Variants in CREBBP observed in about 807,000 individuals in gnomAD.
CREBBP encodes CREB-binding protein.
A neutral mutation model predicts 265.0 loss-of-function variants in CREBBP; 19 were observed. The ratio of observed to expected loss-of-function variants is 0.07; its 90% CI spans 0.05 to 0.11. The LOEUF (loss-of-function observed/expected upper bound fraction) is 0.11, where lower values mean the gene tolerates loss of function less well. CREBBP is among the 10% of genes least tolerant of loss of function. The pLI is 1.00. For synonymous variants in CREBBP, 1,457 were observed against 1,223.7 expected (o/e 1.19, Z -3.98); for missense variants, 2,525 against 3,219.0 (o/e 0.78, Z 5.22).
At position 3,781,229 on chromosome 16, in the gene CREBBP, G is replaced by T. The variant is rs61753381; in HGVS notation, c.1651C>A (p.Leu551Ile). The change falls in exon 7 of 31, where the codon CTT becomes ATT. Residue 551 changes from leucine (L) to isoleucine (I), a missense_variant. By Grantham distance (5) the Leu-to-Ile change is conservative. This residue lies in a region of CREBBP where 144 missense variants were observed against 134.0 expected (regional missense o/e 1.07). Transcript: ENST00000262367. ...QPPNLISESA[L>I]PTSLGATNPL... ...TTTGTGGCCCCCAGGGAAGTCGGAA[G>T]AGCTGATTCTGAAATCAAGTTTGGG... 15,704 of 1,613,964 alleles carry T rather than the reference G, an allele frequency of 9.7e-3. 153 individuals are homozygous for T. The highest frequency in any genetic ancestry group is 0.037 in the Middle Eastern group (223 of 6,056).
chr16:3,879,768 GCTCT>G (rs538145254), intron 1 of CREBBP, 60 bp downstream of exon 1: 173 of 1,498,184 alleles, frequency 1.2e-4, no homozygotes, highest in Non-Finnish European at 1.4e-4. Flanking sequence ...ACCCCCGGAC[GCTCT>G]CTTTCAGGTG....
chr16:3,804,266 T>C (rs962062826), intron 3 of CREBBP, among the ~76,000 whole-genome samples: 32 of 152,212 alleles, frequency 2.1e-4, no homozygotes, highest in Non-Finnish European at 2.1e-4. Flanking sequence ...TTTAGAATAC[T>C]CTTCTTGAAT....
rs186403025 is a variant in CREBBP, at chr16:3,736,645, G to A, written c.4560+5C>T. 1 of 1,614,178 alleles carries A rather than the reference G, an allele frequency of 6.2e-7. No homozygotes were observed. The highest frequency in any genetic ancestry group is 8.5e-7 in the Non-Finnish European group (1 of 1,180,044). ...AAGCCACCACCTTCCTTCAGCGCCGGGTACCTTGTAGTCATGGATGATCCG... is the reference window on the plus strand; with the variant it reads ...AAGCCACCACCTTCCTTCAGCGCCGAGTACCTTGTAGTCATGGATGATCCG... On this transcript the variant is annotated splice_donor_5th_base_variant and intron_variant, in intron 27 of 30. Transcript: ENST00000262367.
At chr16:3,765,453 G>A (rs968340938) in intron 16 of CREBBP, among the ~76,000 whole-genome samples, 5 of 152,196 alleles carry the variant, frequency 3.3e-5, no homozygotes, top group African/African-American at 1.2e-4. Context: ...AAACTTTCAG[G>A]AATGACTGAG....
At chr16:3,830,119 G>A (rs186798625) in intron 2 of CREBBP, among the ~76,000 whole-genome samples, 8 of 152,292 alleles carry the variant, frequency 5.3e-5, no homozygotes, top group African/African-American at 1.9e-4. Context: ...AGAGTGGGCT[G>A]GGTGTGGTGA....
At chr16:3,767,235 C>T (rs2052877163) in intron 16 of CREBBP, 1 of 177,480 alleles carries the variant, frequency 5.6e-6, no homozygotes, top group African/African-American at 2.4e-5. Flanking sequence ...TAGGCGCCAC[C>T]CTGCCCCTCA....
At position 3,756,030 on chromosome 16, in the gene CREBBP, A is replaced by T. The variant is rs537430856; in HGVS notation, c.3698+1258T>A. Among the ~76,000 whole-genome samples, 14 of 152,158 alleles carry T rather than the reference A, an allele frequency of 9.2e-5. No individual in the cohort carries two copies. In the East Asian group the frequency reaches 9.6e-4, roughly 10 times the overall value. Reference sequence around the variant, plus strand: ...TTACTTATCTTGAATATGGATTTTTAAAAAAAACATAGAAGAATTAAAACA... The same window carrying T: ...TTACTTATCTTGAATATGGATTTTTTAAAAAAACATAGAAGAATTAAAACA... On this transcript the variant is annotated intron_variant, in intron 19 of 30. Coordinates refer to ENST00000262367, the MANE Select transcript of CREBBP (RefSeq NM_004380.3).
intron 16 of CREBBP, among the ~76,000 whole-genome samples, chr16:3,762,925 T>C (rs1351248201): frequency 6.6e-6 from 1 of 151,970 alleles, no homozygotes; most frequent in African/African-American, 2.4e-5. Context: ...CAGGCGCCTG[T>C]CACCATGGCC....
intron 4 of CREBBP, 55 bp downstream of exon 4, chr16:3,793,331 T>C: frequency 6.2e-7 from 1 of 1,611,970 alleles, no homozygotes; most frequent in Non-Finnish European, 8.5e-7. Context: ...GTAAGAACAA[T>C]AAAGGCAAAT....
At position 3,758,862 on chromosome 16, in the gene CREBBP, C is replaced by T. The variant is rs866498372; in HGVS notation, c.3361G>A (p.Gly1121Arg). ...TTTATGAATTAACTTACTGGAATTCCGAGGAGCTGGGGATCTACAGGCTGC... is the reference window on the plus strand; with the variant it reads ...TTTATGAATTAACTTACTGGAATTCTGAGGAGCTGGGGATCTACAGGCTGC... ...FRQPVDPQLL[G>R]IPDYFDIVKN... Residue 1121 changes from glycine (G) to arginine (R), a missense_variant, in exon 17 of 31, where the codon GGA becomes AGA. Transcript: ENST00000262367. The T allele has an allele frequency of 1.2e-6, 2 of 1,610,364 alleles. No homozygotes were observed. The highest frequency in any genetic ancestry group is 1.7e-6 in the Non-Finnish European group (2 of 1,178,026).
intron 2 of CREBBP, among the ~76,000 whole-genome samples, chr16:3,837,999 A>G (rs2054490239): frequency 6.6e-6 from 1 of 152,048 alleles, no homozygotes; most frequent in South Asian, 2.1e-4. Context: ...TTTTACACAC[A>G]CACCCGCCCA....
At chr16:3,811,306 A>T (rs371067012) in intron 2 of CREBBP, among the ~76,000 whole-genome samples, 1 of 152,106 alleles carries the variant, frequency 6.6e-6, no homozygotes, top group Non-Finnish European at 1.5e-5. Flanking sequence ...GCATGGGTCT[A>T]CATATATGGA....
chr16:3,837,341 C>T (rs1052679641), intron 2 of CREBBP, among the ~76,000 whole-genome samples: 2 of 152,152 alleles, frequency 1.3e-5, no homozygotes, highest in African/African-American at 2.4e-5. Flanking sequence ...ACTGGCCGGG[C>T]GCGGTGGCTC....
intron 1 of CREBBP, among the ~76,000 whole-genome samples, chr16:3,875,096 A>G (rs1029689418): frequency 6.6e-6 from 1 of 152,240 alleles, no homozygotes; most frequent in Non-Finnish European, 1.5e-5. Context: ...CTGTGAAAAC[A>G]CAGGCGACTA....
chr16:3,790,155 A>G (rs2053473412), intron 5 of CREBBP, among the ~76,000 whole-genome samples: 1 of 152,180 alleles, frequency 6.6e-6, no homozygotes, highest in Non-Finnish European at 1.5e-5. Context: ...CAAGAAATTT[A>G]GCCATCACAA....
chr16:3,871,189 TCTCTCTCACTCACACACACA>T (rs1285929986), intron 1 of CREBBP, among the ~76,000 whole-genome samples: 1 of 52,702 alleles, frequency 1.9e-5, no homozygotes, highest in Non-Finnish European at 4.7e-5. Flanking sequence ...TCTCTCTCTC[TCTCTCTCACTCACACACACA>T]CACACACACA....
intron 19 of CREBBP, among the ~76,000 whole-genome samples, chr16:3,755,373 C>T (rs992273355): frequency 4.6e-5 from 7 of 152,210 alleles, no homozygotes; most frequent in African/African-American, 1.7e-4. Context: ...TACCTTCCTT[C>T]TAGACCAAAA....
chr16:3,747,043 T>C (rs2052358652), intron 21 of CREBBP, among the ~76,000 whole-genome samples: 1 of 152,070 alleles, frequency 6.6e-6, no homozygotes, highest in Admixed American at 6.6e-5. Flanking sequence ...CTCCCAATTA[T>C]TATGGGCCAA....
At chr16:3,777,746 C>A (rs934465839) in intron 10 of CREBBP, 89 bp from the exon 11 acceptor site, 17 of 1,494,656 alleles carry the variant, frequency 1.1e-5, no homozygotes, top group Non-Finnish European at 1.5e-5. Context: ...CTTATTAGGA[C>A]TTCAAACTTA....
Sources: gnomAD v4.1 joint callset for allele counts (sites outside exome capture counted in the v4.1 genomes callset) on GRCh38, gnomAD v4.1.1 for gene constraint, gnomAD v4.1.1 regional missense constraint, MANE v1.5 for transcripts, NCBI Gene and HGNC (gene_info 2026-07-23, HGNC 2026-07-21) for gene names.